The following MTOR variants were observed in gnomAD, a reference collection of about 807,000 sequenced individuals.
The protein encoded by MTOR is serine/threonine-protein kinase mTOR.
MTOR carries 70 observed loss-of-function variants against 319.8 expected under a neutral mutation model. The ratio of observed to expected loss-of-function variants is 0.22; its 90% CI spans 0.18 to 0.27. The LOEUF (loss-of-function observed/expected upper bound fraction) is 0.27. MTOR is among the 10% of genes least tolerant of loss of function. The pLI is 1.00. For synonymous variants in MTOR, 1,183 were observed against 1,211.4 expected, an observed-to-expected ratio of 0.98 and a Z score of 0.49; for missense variants, 1,890 against 3,274.4, an observed-to-expected ratio of 0.58 and a Z score of 10.32.
chr1:11,119,116 G>C (rs148333287), intron 49 of MTOR, among the ~76,000 whole-genome samples: 290 of 152,218 alleles, frequency 1.9e-3, no homozygotes, highest in African/African-American at 6.5e-3. Flanking sequence ...TCAAGGTGGA[G>C]AGGGCCTTTC....
At chr1:11,126,560 G>C (rs1287856010) in intron 46 of MTOR, 62 bp downstream of exon 46, 7 of 1,540,508 alleles carry the variant, frequency 4.5e-6, no homozygotes, top group Non-Finnish European at 6.2e-6. Context: ...TCAGAAGAGG[G>C]AAGGGGTCTC....
At position 11,107,506 on chromosome 1, in the gene MTOR, A is replaced by G; in HGVS notation, c.7635-6T>C. ...CCAGTTACCAGAAAGGGCACCTAAG[A>G]AGGCAGAAAGAAAAGGAATATTTTA... On this transcript the variant is annotated splice_region_variant and splice_polypyrimidine_tract_variant and intron_variant, in intron 57 of 57. Transcript: ENST00000361445. 1.2e-6 allele frequency: 2 copies of G among 1,612,696 alleles called. No individual in the cohort carries two copies. The highest frequency in any genetic ancestry group is 1.7e-6 in the Non-Finnish European group (2 of 1,179,648).
chr1:11,120,068 T>A (rs935495811), intron 49 of MTOR, among the ~76,000 whole-genome samples: 9 of 146,160 alleles, frequency 6.2e-5, no homozygotes, highest in South Asian at 2.2e-4. Context: ...AAAAAAAAAA[T>A]TTATATATAT....
chr1:11,170,864 T>G (rs944332364), intron 28 of MTOR, among the ~76,000 whole-genome samples: 1 of 150,814 alleles, frequency 6.6e-6, no homozygotes, highest in Admixed American at 6.6e-5. Context: ...CCGGGCGGCC[T>G]TGGTAGGAGT....
At chr1:11,230,808 A>G (rs1457640379) in intron 18 of MTOR, 117 bp downstream of exon 18, 4 of 1,393,146 alleles carry the variant, frequency 2.9e-6, no homozygotes, top group Non-Finnish European at 4.0e-6. Context: ...AAAAGTTGCT[A>G]CACGAGCCAA....
At chr1:11,175,376 T>C (rs199563913) in intron 28 of MTOR, among the ~76,000 whole-genome samples, 2 of 152,200 alleles carry the variant, frequency 1.3e-5, no homozygotes, top group East Asian at 1.9e-4. Context: ...CAGCCCAAGA[T>C]TGAATTCTGA....
intron 32 of MTOR, among the ~76,000 whole-genome samples, chr1:11,145,534 G>A (rs55977460): frequency 2.0e-5 from 3 of 151,588 alleles, no homozygotes; most frequent in African/African-American, 7.3e-5. Context: ...ACAGGCGCCC[G>A]CCACCACGCC....
intron 28 of MTOR, among the ~76,000 whole-genome samples, chr1:11,192,781 C>T (rs1645596300): frequency 6.8e-6 from 1 of 146,348 alleles, no homozygotes; most frequent in Non-Finnish European, 1.5e-5. Flanking sequence ...AAAACTCAAA[C>T]ACAAGCAAAC....
intron 34 of MTOR, among the ~76,000 whole-genome samples, chr1:11,143,547 A>G (rs997173600): frequency 6.6e-6 from 1 of 152,202 alleles, no homozygotes; most frequent in Non-Finnish European, 1.5e-5. Flanking sequence ...AAAACATGTA[A>G]AAGAACTGTA....
chr1:11,144,801 T>G, intron 33 of MTOR, 46 bp from the exon 34 acceptor site: 1 of 1,576,804 alleles, frequency 6.3e-7, no homozygotes, highest in Non-Finnish European at 8.7e-7. Context: ...GCACGAACAA[T>G]CCAAAAGACA....
At chr1:11,248,993 AG>A in intron 6 of MTOR, among the ~76,000 whole-genome samples, 1 of 152,200 alleles carries the variant, frequency 6.6e-6, no homozygotes, top group South Asian at 2.1e-4. Flanking sequence ...TGGGAGGCCT[AG>A]GTGGGCAGAT....
At chr1:11,201,160 C>A (rs1645956777) in intron 26 of MTOR, among the ~76,000 whole-genome samples, 1 of 152,140 alleles carries the variant, frequency 6.6e-6, no homozygotes, top group South Asian at 2.1e-4. Flanking sequence ...AGACCTTCAT[C>A]TCTAAAATCA....
At position 11,142,570 on chromosome 1, in the gene MTOR, T is replaced by G. The variant is rs575804949; in HGVS notation, c.4872+2078A>C. On this transcript the variant is annotated intron_variant, in intron 34 of 57. Transcript: ENST00000361445. The stretch of plus-strand genomic sequence containing the variant: ...CCTCAGCCTCCCAAAGTGCTGGGAT[T>G]ACAGGTGTGAGCCACCATGCCTGGC... Among the ~76,000 whole-genome samples, 562 of 152,276 alleles carry G rather than the reference T, an allele frequency of 3.7e-3. 3 individuals are homozygous for G. Among genetic ancestry groups the G allele is most frequent in the Non-Finnish European group, 6.6e-3 (447 of 68,014 alleles).
chr1:11,174,477 T>C (rs76170597), intron 28 of MTOR, among the ~76,000 whole-genome samples: 5 of 152,308 alleles, frequency 3.3e-5, no homozygotes, highest in Admixed American at 2.6e-4. Flanking sequence ...CAAGTCAGCA[T>C]GCCATCACAG....
At chr1:11,203,480 G>A (rs1646045004) in intron 26 of MTOR, among the ~76,000 whole-genome samples, 1 of 152,142 alleles carries the variant, frequency 6.6e-6, no homozygotes, top group Non-Finnish European at 1.5e-5. Flanking sequence ...TTGAAGACCA[G>A]CCTGGCCAAC....
chr1:11,111,864 G>A (rs1641898415), intron 54 of MTOR: 1 of 151,590 alleles, frequency 6.6e-6, no homozygotes, highest in Admixed American at 6.6e-5. Flanking sequence ...TATGAACTAT[G>A]TAGGGTGTTG....
chr1:11,249,323 A>C (rs187226381), intron 6 of MTOR, among the ~76,000 whole-genome samples: 1 of 151,978 alleles, frequency 6.6e-6, no homozygotes, highest in East Asian at 1.9e-4. Context: ...TTCTTGACAC[A>C]CATATTTTCA....
intron 46 of MTOR, 103 bp from the exon 47 acceptor site, chr1:11,124,736 A>G: frequency 8.0e-7 from 1 of 1,252,528 alleles, no homozygotes; most frequent in Non-Finnish European, 1.1e-6. Context: ...CATATGCCTT[A>G]CCTAATCACA....
Position 11,256,754 on chromosome 1 carries a change from T to C in MTOR, c.504+179A>G, listed in dbSNP as rs550040249. Among the ~76,000 whole-genome samples, 14 of 152,124 alleles carry C rather than the reference T, an allele frequency of 9.2e-5. No individual in the cohort carries two copies. The East Asian group carries it at 2.7e-3, about 29-fold the overall frequency. ...GAAAGCACGCAGCTGATGCTTCTGA[T>C]CCCCACCACACCATGCTAGATTCCC... is the stretch of plus-strand genomic sequence containing the variant. On this transcript the variant is annotated intron_variant, in intron 4 of 57. Transcript: ENST00000361445.
Sources: gnomAD v4.1 joint callset for allele counts (sites outside exome capture counted in the v4.1 genomes callset) on GRCh38, gnomAD v4.1.1 for gene constraint, MANE v1.5 for transcripts, NCBI Gene and HGNC (gene_info 2026-07-23, HGNC 2026-07-21) for gene names.